Variants in TNFSF12 observed in about 807,000 individuals in gnomAD.
The protein encoded by TNFSF12 is TNF superfamily member 12.
Under a neutral mutation model 31.2 loss-of-function variants are expected in TNFSF12, and 16 were observed. The ratio of observed to expected loss-of-function variants is 0.51; its 90% CI spans 0.35 to 0.78. The LOEUF is 0.78. Ranked by LOEUF, TNFSF12 falls within the 30% of genes least tolerant of loss-of-function variation. The pLI, the probability that TNFSF12 is intolerant of heterozygous loss-of-function variation, is 0.01. For missense variants in TNFSF12, 324 were observed against 338.8 expected, an observed-to-expected ratio of 0.96 and a Z score of 0.34; for synonymous variants, 150 against 151.4, an observed-to-expected ratio of 0.99 and a Z score of 0.07.
At chr17:7,553,861 A>G (rs2071027986) in intron 5 of TNFSF12, 1 of 1,104,618 alleles carries the variant, frequency 9.1e-7, no homozygotes, top group African/African-American at 1.6e-5. Context: ...AGATGAGGGA[A>G]CCTTTGCTCG....
Position 7,554,306 on chromosome 17 carries a change from T to C in TNFSF12, c.374-2472T>C, listed in dbSNP as rs1357784612. ...TGCCCACAGCAACTAATATCCAGAC[T>C]CTTTTTTTTTTTTTTTTTTTTTTTT... On this transcript the variant is annotated intron_variant, in intron 5 of 6. Coordinates refer to ENST00000293825, the MANE Select transcript of TNFSF12 (RefSeq NM_003809.3). 1.2e-4 allele frequency among the ~76,000 whole-genome samples: 15 copies of C among 122,528 alleles called. No individual in the cohort carries two copies. In the Admixed American group the frequency reaches 1.4e-3, roughly 11 times the overall value. The allele number at this position is 122,528 out of a possible 152,430, so 80.4% of individuals were successfully genotyped here.
In TNFSF12 at chr17:7,550,364, G is replaced by A. The variant is rs1313201396; in HGVS notation, c.283+169G>A. 6.6e-6 allele frequency among the ~76,000 whole-genome samples: 1 copy of A among 152,148 alleles called. No individual in the cohort carries two copies. The highest frequency in any genetic ancestry group is 1.5e-5 in the Non-Finnish European group (1 of 68,044). The stretch of plus-strand genomic sequence containing the variant: ...CCTCTGAAGCTCCTTCTGTCATATG[G>A]ATGTGCTCCTTCAGACCCTACCCCA... On this transcript the variant is annotated intron_variant, in intron 3 of 6. Transcript: ENST00000293825. The surrounding 1 kb of genome is among the most constrained non-coding windows in gnomAD (Gnocchi z 4.4).
chr17:7,549,423 G>A lies in TNFSF12; in HGVS notation c.160-51G>A. 6.9e-7 allele frequency: 1 copy of A among 1,452,082 alleles called. No homozygotes were observed. The highest frequency in any genetic ancestry group is 2.6e-5 in the East Asian group (1 of 38,118). The allele number at this position is 1,452,082 out of a possible 1,614,324, so 89.9% of individuals were successfully genotyped here. A position where few individuals can be genotyped will look rare whatever the true frequency, so the allele number is the denominator to read the frequency against. On this transcript the variant is annotated intron_variant, in intron 1 of 6. Transcript: ENST00000293825. This position sits in a 1 kb window ranked among gnomAD's most constrained non-coding sequence, Gnocchi z 4.1. ...AAGGGGAAGGGAGGATGGGTGGAGGGTGAGATGTCAGGTGGAGCGGCACAG... is the reference window on the plus strand; with the variant it reads ...AAGGGGAAGGGAGGATGGGTGGAGGATGAGATGTCAGGTGGAGCGGCACAG...
chr17:7,554,895 G>A (rs1170359408), intron 5 of TNFSF12, among the ~76,000 whole-genome samples: 1 of 152,112 alleles, frequency 6.6e-6, no homozygotes, highest in East Asian at 1.9e-4. Flanking sequence ...GGGATTACAG[G>A]CGTGAGCCAC....
rs753098151 is a variant in TNFSF12 at position 7,549,221 on chromosome 17, C to T, written c.68C>T (p.Pro23Leu). ...GAGCCGGGCACCGCCCTGCTGGTCC[C>T]GCTCGCGCTGGGCCTGGGCCTGGCG... ...RGEPGTALLV[P>L]LALGLGLALA... is the part of the protein sequence containing the mutation. Residue 23 changes from proline to leucine, a missense_variant, in exon 1 of 7, where the codon CCG (proline) becomes CTG (leucine). Pro to Leu is a moderately conservative substitution (Grantham distance 98). Transcript: ENST00000293825. The surrounding 1 kb of genome is among the most constrained non-coding windows in gnomAD (Gnocchi z 4.1). The T allele has an allele frequency of 3.7e-6, 5 of 1,358,880 alleles. No homozygotes were observed. The highest frequency in any genetic ancestry group is 3.7e-5 in the Admixed American group (1 of 27,356). 84.2% of individuals were successfully genotyped at this position (1,358,880 alleles called of 1,614,324 possible).
At chr17:7,552,350 C>G (rs1434318070) in intron 5 of TNFSF12, among the ~76,000 whole-genome samples, 1 of 121,388 alleles carries the variant, frequency 8.2e-6, no homozygotes, top group Non-Finnish European at 1.7e-5. Context: ...TTTTTTGAGA[C>G]AGAGTCTCGC....
Position 7,550,822 on chromosome 17 carries a change from G to GC in TNFSF12, c.308dup (p.Arg104SerfsTer9). 6.2e-7 allele frequency: 1 copy of GC among 1,612,048 alleles called. No individual in the cohort carries two copies. Among genetic ancestry groups the GC allele is most frequent in the South Asian group, 1.1e-5 (1 of 91,024 alleles). On this transcript the variant is annotated frameshift_variant, in exon 4 of 7. Coordinates refer to ENST00000293825, the MANE Select transcript of TNFSF12 (RefSeq NM_003809.3). LOFTEE classifies it high-confidence loss of function. The surrounding 1 kb of genome is among the most constrained non-coding windows in gnomAD (Gnocchi z 4.4). Reference sequence around the variant, plus strand: ...AGCACCTAAAGGCCGGAAAACACGGGCTCGAAGAGCGATCGCAGCCCATTA... The same window carrying GC: ...AGCACCTAAAGGCCGGAAAACACGGGCCTCGAAGAGCGATCGCAGCCCATTA...
At chr17:7,556,653 C>T (rs1012767156) in intron 5 of TNFSF12, 125 bp from the exon 6 acceptor site, 54 of 1,330,324 alleles carry the variant, frequency 4.1e-5, no homozygotes, top group African/African-American at 3.9e-4. Flanking sequence ...CTCCCTTGCC[C>T]GGGGTGATCT....
At chr17:7,555,973 G>GGTTTTT in intron 5 of TNFSF12, among the ~76,000 whole-genome samples, 1 of 70,878 alleles carries the variant, frequency 1.4e-5, no homozygotes, top group Non-Finnish European at 2.6e-5. Context: ...CCCAGTGAGC[G>GGTTTTT]TTTTTTTTGT....
At chr17:7,555,971 G>A (rs1306420514) in intron 5 of TNFSF12, among the ~76,000 whole-genome samples, 1 of 16,116 alleles carries the variant, frequency 6.2e-5, no homozygotes, top group African/African-American at 1.4e-4. Context: ...TGCCCAGTGA[G>A]CGTTTTTTTT....
At position 7,553,023 on chromosome 17, in the gene TNFSF12, C is replaced by CTT. The variant is rs71159509; in HGVS notation, c.373+2083_373+2084dup. Among the ~76,000 whole-genome samples the CTT allele has an allele frequency of 6.4e-4, 42 of 66,094 alleles. 7 individuals are homozygous for CTT. The highest frequency in any genetic ancestry group is 1.1e-3 in the African/African-American group (15 of 13,846). The allele number at this position is 66,094 out of a possible 152,430, so 43.4% of individuals were successfully genotyped here. A position where few individuals can be genotyped will look rare whatever the true frequency, so the allele number is the denominator to read the frequency against. On this transcript the variant is annotated intron_variant, in intron 5 of 6. Transcript: ENST00000293825. ...ATAAGGAACTGGAGGCAGGGACAACCTTTTTTTTTTTTTTTTTTTTTTTTT... is the reference window on the plus strand; with the variant it reads ...ATAAGGAACTGGAGGCAGGGACAACCTTTTTTTTTTTTTTTTTTTTTTTTTTT...
chr17:7,555,568 A>T (rs1455095828), intron 5 of TNFSF12, among the ~76,000 whole-genome samples: 1 of 152,246 alleles, frequency 6.6e-6, no homozygotes, highest in East Asian at 1.9e-4. Context: ...TTAGAGACTC[A>T]TTCTGTGGCT....
chr17:7,549,251 C>T lies in TNFSF12; in HGVS notation c.98C>T (p.Ala33Val). 2 of 1,395,486 alleles carry T rather than the reference C, an allele frequency of 1.4e-6. No homozygotes were observed. Among genetic ancestry groups the T allele is most frequent in the Non-Finnish European group, 9.3e-7 (1 of 1,078,746 alleles). 86.4% of individuals were successfully genotyped at this position (1,395,486 alleles called of 1,614,324 possible). ...GCGCTGGGCCTGGGCCTGGCGCTGG[C>T]CTGCCTCGGCCTCCTGCTGGCCGTG... ...PLALGLGLAL[A>V]CLGLLLAVVS... is the part of the protein sequence containing the mutation. The change falls in exon 1 of 7, where the codon GCC becomes GTC. Residue 33 changes from alanine to valine, a missense_variant. Transcript: ENST00000293825. The surrounding 1 kb of genome is among the most constrained non-coding windows in gnomAD (Gnocchi z 4.1).
chr17:7,553,747 G>A (rs922825555), intron 5 of TNFSF12: 2 of 1,237,404 alleles, frequency 1.6e-6, no homozygotes, highest in Non-Finnish European at 2.1e-6. Flanking sequence ...ATCCAAAAAG[G>A]GGAGAGGGAA....
At position 7,550,967 on chromosome 17, in the gene TNFSF12, G is replaced by A. The variant is rs1307297065; in HGVS notation, c.362G>A (p.Gly121Glu). Residue 121 changes from glycine (G) to glutamate (E), a missense_variant, in exon 5 of 7, where the codon GGA becomes GAA. Gly to Glu is a moderately conservative substitution (Grantham distance 98). Transcript: ENST00000293825. This position sits in a 1 kb window ranked among gnomAD's most constrained non-coding sequence, Gnocchi z 4.4. Reference protein sequence around the residue: ...YEVHPRPGQDGAQAGVDGTVS... With the variant: ...YEVHPRPGQDEAQAGVDGTVS... The stretch of plus-strand genomic sequence containing the variant: ...GTTCATCCACGACCTGGACAGGACG[G>A]AGCGCAGGCAGGTGAGACCCCATCC... The A allele has an allele frequency of 6.2e-7, 1 of 1,613,962 alleles. No individual in the cohort carries two copies. The highest frequency in any genetic ancestry group is 1.1e-5 in the South Asian group (1 of 91,064).
Position 7,549,713 on chromosome 17 carries a change from C to A in TNFSF12, c.207+192C>A. On this transcript the variant is annotated intron_variant, in intron 2 of 6. Transcript: ENST00000293825. This position sits in a 1 kb window ranked among gnomAD's most constrained non-coding sequence, Gnocchi z 4.1. ...GACAACTCTGTGTGAGGGGTTTGTG[C>A]TGGGGTTGTGCCACCTGAGTCTGAG... 2 of 994,090 alleles carry A rather than the reference C, an allele frequency of 2.0e-6. No individual in the cohort carries two copies. Among genetic ancestry groups the A allele is most frequent in the Non-Finnish European group, 2.8e-6 (2 of 705,742 alleles). The allele number at this position is 994,090 out of a possible 1,614,324, so 61.6% of individuals were successfully genotyped here.
intron 5 of TNFSF12, among the ~76,000 whole-genome samples, chr17:7,555,298 C>G (rs186639989): frequency 6.6e-5 from 10 of 152,006 alleles, no homozygotes; most frequent in Non-Finnish European, 1.5e-4. Flanking sequence ...GAAGCAGGAG[C>G]GTAAGACAAG....
rs1467464101 is a variant in TNFSF12 at position 7,557,074 on chromosome 17, A to G, written c.499-25A>G. ...GAGGCGAGGGCAGGCAGAGGCCTGG[A>G]CTCGGCCTGTTGTCCCCACCCCAGG... On this transcript the variant is annotated intron_variant, in intron 6 of 6. Coordinates refer to ENST00000293825, the MANE Select transcript of TNFSF12 (RefSeq NM_003809.3). The surrounding 1 kb of genome is among the most constrained non-coding windows in gnomAD (Gnocchi z 5.2). The G allele has an allele frequency of 1.3e-6, 2 of 1,597,576 alleles. No homozygotes were observed. The highest frequency in any genetic ancestry group is 1.1e-5 in the South Asian group (1 of 89,642).
intron 5 of TNFSF12, among the ~76,000 whole-genome samples, chr17:7,555,982 GTTTTTTT>G (rs1167470187): frequency 8.5e-6 from 1 of 117,734 alleles, no homozygotes; most frequent in African/African-American, 3.0e-5. Flanking sequence ...CGTTTTTTTT[GTTTTTTT>G]TTTTTTTTGG....
Sources: gnomAD v4.1 joint callset for allele counts (sites outside exome capture counted in the v4.1 genomes callset) on GRCh38, gnomAD v4.1.1 for gene constraint, Gnocchi (gnomAD v3.1) non-coding constraint, MANE v1.5 for transcripts, NCBI Gene and HGNC (gene_info 2026-07-23, HGNC 2026-07-21) for gene names.